Variants in UBR4 observed in about 807,000 individuals in gnomAD.
UBR4 encodes E3 ubiquitin-protein ligase UBR4.
A neutral mutation model predicts 575.6 loss-of-function variants in UBR4; 124 were observed. The ratio of observed to expected loss-of-function variants is 0.22; its 90% CI spans 0.19 to 0.25. UBR4 has a LOEUF of 0.25. Ranked by LOEUF, UBR4 falls within the 10% of genes least tolerant of loss-of-function variation. UBR4 has a pLI of 1.00. For synonymous variants in UBR4, 2,455 were observed against 2,473.7 expected, an observed-to-expected ratio of 0.99 and a Z score of 0.22; for missense variants, 4,818 against 6,478.8, an observed-to-expected ratio of 0.74 and a Z score of 8.80.
rs186228675 is a variant in UBR4, at chr1:19,123,611, T to C, written c.9589-551A>G. Among the ~76,000 whole-genome samples, 192 of 152,250 alleles carry C rather than the reference T, an allele frequency of 1.3e-3. 1 individual carries two copies. Among genetic ancestry groups the C allele is most frequent in the African/African-American group, 4.6e-3 (190 of 41,526 alleles). On this transcript the variant is annotated intron_variant, in intron 65 of 105. Coordinates refer to ENST00000375254, the MANE Select transcript of UBR4 (RefSeq NM_020765.3). ...AGGAAAATACCAATATTCATGCATC[T>C]CTTCCTTGTGCCCTTAGGAATCTAC...
intron 63 of UBR4, among the ~76,000 whole-genome samples, chr1:19,127,328 G>C (rs2081931111): frequency 6.6e-6 from 1 of 152,100 alleles, no homozygotes; most frequent in Non-Finnish European, 1.5e-5. Context: ...ATACACTAGG[G>C]GAATCCTCTT....
In UBR4 at chr1:19,155,026, T is replaced by C. The variant is rs2086254415; in HGVS notation, c.6350A>G (p.His2117Arg). 1.2e-6 allele frequency: 2 copies of C among 1,613,982 alleles called. No individual in the cohort carries two copies. The highest frequency in any genetic ancestry group is 1.3e-5 in the African/African-American group (1 of 74,904). ...AGGGVSVYYS[H>R]VLQMLFFSYC... ...GCTGAAGAACAACATCTGCAACACG[T>C]GGGAGTAGTACACGGACACACCACC... The change falls in exon 44 of 106, where the codon CAC (histidine) becomes CGC (arginine). Residue 2117 changes from histidine (H) to arginine (R), a missense_variant. Coordinates refer to ENST00000375254, the MANE Select transcript of UBR4 (RefSeq NM_020765.3).
At chr1:19,124,340 TA>T in intron 65 of UBR4, 200 bp downstream of exon 65, 2 of 609,122 alleles carry the variant, frequency 3.3e-6, no homozygotes, top group Non-Finnish European at 5.3e-6. Context: ...AATCAGAAGG[TA>T]AAGTATGGCT....
rs1288374447 is a variant in UBR4, at chr1:19,193,978, A to T, written c.1019-421T>A. ...TATTGTATGATTCCAACTACATGAC[A>T]TTCTAGAAAAGGTAAAACTAGAGAG... On this transcript the variant is annotated intron_variant, in intron 8 of 105. Coordinates refer to ENST00000375254, the MANE Select transcript of UBR4 (RefSeq NM_020765.3). Among the ~76,000 whole-genome samples the T allele has an allele frequency of 2.0e-5, 3 of 152,362 alleles. No individual in the cohort carries two copies. In the East Asian group the frequency reaches 5.8e-4, roughly 29 times the overall value.
Position 19,113,256 on chromosome 1 carries a change from T to C in UBR4, c.11458-389A>G, listed in dbSNP as rs139358611. Reference sequence around the variant, plus strand: ...ACCTCTGTCTATGGCCAGCCTCCCATCTCATGGAGATTAGGTCTGTGACAT... The same window carrying C: ...ACCTCTGTCTATGGCCAGCCTCCCACCTCATGGAGATTAGGTCTGTGACAT... On this transcript the variant is annotated intron_variant, in intron 77 of 105. Transcript: ENST00000375254. 5.2e-4 allele frequency: 134 copies of C among 257,820 alleles called. 1 individual carries two copies. The highest frequency in any genetic ancestry group is 2.8e-3 in the African/African-American group (125 of 44,528). The allele number at this position is 257,820 out of a possible 1,614,324, so 16.0% of individuals were successfully genotyped here. A position where few individuals can be genotyped will look rare whatever the true frequency, so the allele number is the denominator to read the frequency against.
chr1:19,153,650 G>T lies in UBR4; in HGVS notation c.6630+118C>A, dbSNP rs1442119419. ...AAAGAAAAGGCATCTAGAAGAAAAA[G>T]GACTGAAAATCTTTTATGGGCCTCC... On this transcript the variant is annotated intron_variant, in intron 45 of 105. Coordinates refer to ENST00000375254, the MANE Select transcript of UBR4 (RefSeq NM_020765.3). This position sits in a 1 kb window ranked among gnomAD's most constrained non-coding sequence, Gnocchi z 4.1. 3 of 1,483,122 alleles carry T rather than the reference G, an allele frequency of 2.0e-6. No homozygotes were observed. Among genetic ancestry groups the T allele is most frequent in the African/African-American group, 1.4e-5 (1 of 70,978 alleles). The allele number at this position is 1,483,122 out of a possible 1,614,324, so 91.9% of individuals were successfully genotyped here.
chr1:19,151,474 G>T, intron 48 of UBR4, 169 bp downstream of exon 48: 2 of 712,074 alleles, frequency 2.8e-6, no homozygotes, highest in East Asian at 2.7e-5. Flanking sequence ...CTCCTTTCCT[G>T]TCACCTTGCC....
chr1:19,085,778 C>T (rs2076954731), intron 101 of UBR4, among the ~76,000 whole-genome samples: 1 of 152,202 alleles, frequency 6.6e-6, no homozygotes, highest in South Asian at 2.1e-4. Context: ...GTATTTAAAC[C>T]TCAGAGCCAC....
intron 55 of UBR4, among the ~76,000 whole-genome samples, chr1:19,143,247 GAAGGAAGGAAGGAAGAAAGAAAGAAAGA>G (rs1290436593): frequency 2.5e-4 from 32 of 127,526 alleles, no homozygotes; most frequent in East Asian, 1.9e-3. Context: ...AGGAAGGAAG[GAAGGAAGGAAGGAAGAAAGAAAGAAAGA>G]AAGAAAGAAA....
rs1014013460 is a variant in UBR4, at chr1:19,124,562, C to T, written c.9567G>A (p.Ser3189=). 1.1e-5 allele frequency: 18 copies of T among 1,614,014 alleles called. No homozygotes were observed. The highest frequency in any genetic ancestry group is 2.2e-5 in the East Asian group (1 of 44,882). ...TTACCTCGGAGAGAAAGTAAAACCA[C>T]GAGTGGTCAAAGACAGGAGGTGGGA... ...SRIPPPVFDH[S]WFYFLSEYLM... is the part of the protein sequence containing the mutation. Residue 3189 remains serine, a synonymous_variant, in exon 65 of 106, where the codon TCG becomes TCA. Coordinates refer to ENST00000375254, the MANE Select transcript of UBR4 (RefSeq NM_020765.3).
Position 19,197,171 on chromosome 1 carries a change from T to C in UBR4, c.988A>G (p.Thr330Ala). ...TACAGACAACTTAGGCTGAGGACTG[T>C]CACATCTTGTAGACGAGAAGGATTG... is the stretch of plus-strand genomic sequence containing the variant. ...PLNPSRLQDV[T>A]VLSLSCLYAG... Residue 330 changes from threonine (T) to alanine (A), a missense_variant, in exon 8 of 106, where the codon ACA becomes GCA. Transcript: ENST00000375254. 6.2e-7 allele frequency: 1 copy of C among 1,614,132 alleles called. No homozygotes were observed. The highest frequency in any genetic ancestry group is 8.5e-7 in the Non-Finnish European group (1 of 1,180,008).
chr1:19,173,710 A>T (rs2089894279), intron 22 of UBR4, 89 bp from the exon 23 acceptor site: 1 of 1,274,678 alleles, frequency 7.8e-7, no homozygotes, highest in Non-Finnish European at 1.1e-6. Flanking sequence ...TACAACTTTT[A>T]AACCAGAACT....
In UBR4 at chr1:19,177,528, C is replaced by T. The variant is rs746196931; in HGVS notation, c.2570G>A (p.Arg857His). The change falls in exon 19 of 106, where the codon CGC (arginine) becomes CAC (histidine). Residue 857 changes from arginine (R) to histidine (H), a missense_variant. Physicochemically the swap from Arg to His is conservative, Grantham distance 29 (BLOSUM62 0). Coordinates refer to ENST00000375254, the MANE Select transcript of UBR4 (RefSeq NM_020765.3). The part of the protein sequence containing the change: ...QMRFVPLILA[R>H]LLLIFDYLLH... Reference sequence around the variant, plus strand: ...CAGATAATCAAAGATGAGAAGGAGGCGAGCCAAGATAAGCGGCACGAAGCG... The same window carrying T: ...CAGATAATCAAAGATGAGAAGGAGGTGAGCCAAGATAAGCGGCACGAAGCG... 6 of 1,613,662 alleles carry T rather than the reference C, an allele frequency of 3.7e-6. No homozygotes were observed. In the Admixed American group the frequency reaches 5.0e-5, roughly 13 times the overall value.
rs762948876 is a variant in UBR4, at chr1:19,081,689, A to C, written c.15009-116T>G. Reference sequence around the variant, plus strand: ...CTTGTGACATTTGCTGAACGCTTGGATGACTCAACACTCCCCACCCATCCT... The same window carrying C: ...CTTGTGACATTTGCTGAACGCTTGGCTGACTCAACACTCCCCACCCATCCT... On this transcript the variant is annotated intron_variant, in intron 102 of 105. Coordinates refer to ENST00000375254, the MANE Select transcript of UBR4 (RefSeq NM_020765.3). The C allele has an allele frequency of 1.1e-5, 12 of 1,123,438 alleles. No individual in the cohort carries two copies. In the South Asian group the frequency reaches 1.4e-4, roughly 13 times the overall value. 69.6% of individuals were successfully genotyped at this position (1,123,438 alleles called of 1,614,324 possible).
intron 2 of UBR4, among the ~76,000 whole-genome samples, chr1:19,200,942 C>T (rs1347471316): frequency 6.6e-6 from 1 of 152,130 alleles, no homozygotes; most frequent in African/African-American, 2.4e-5. Context: ...CCAGGACTTC[C>T]AGACCAGCCT....
In UBR4 at chr1:19,188,779, T is replaced by G. The variant is rs1175424709; in HGVS notation, c.1395-1239A>C. On this transcript the variant is annotated intron_variant, in intron 11 of 105. Transcript: ENST00000375254. ...GGCCAAGAGTGCAAGACCAGCCTGG[T>G]CAACACAGCAAGATCCCATCTCTGC... is the stretch of plus-strand genomic sequence containing the variant. Among the ~76,000 whole-genome samples, 3 of 151,992 alleles carry G rather than the reference T, an allele frequency of 2.0e-5. No individual in the cohort carries two copies. In the East Asian group the frequency reaches 5.8e-4, roughly 29 times the overall value.
At chr1:19,160,548 G>T (rs2087166584) in intron 38 of UBR4, among the ~76,000 whole-genome samples, 1 of 152,122 alleles carries the variant, frequency 6.6e-6, no homozygotes, top group Admixed American at 6.5e-5. Flanking sequence ...CATATGAAAT[G>T]AGCTAACTTC....
At position 19,197,798 on chromosome 1, in the gene UBR4, C is replaced by A. The variant is rs754870891; in HGVS notation, c.765G>T (p.Lys255Asn). 5 of 1,614,154 alleles carry A rather than the reference C, an allele frequency of 3.1e-6. No individual in the cohort carries two copies. Among genetic ancestry groups the A allele is most frequent in the Non-Finnish European group, 4.2e-6 (5 of 1,180,024 alleles). Reference protein sequence around the residue: ...ASLQELGGSEKLLRVCLNLPY... With the variant: ...ASLQELGGSENLLRVCLNLPY... ...GCAGGTTCAAACATACACGCAGTAG[C>A]TTCTCCGAGCCACCTAAATGAATGA... Residue 255 changes from lysine (K) to asparagine (N), a missense_variant, in exon 7 of 106, where the codon AAG (lysine) becomes AAT (asparagine). By Grantham distance (94) the Lys-to-Asn change is moderately conservative. Transcript: ENST00000375254.
chr1:19,157,463 CTT>C lies in UBR4; in HGVS notation c.5760+350_5760+351del, dbSNP rs2086605148. 6.6e-6 allele frequency among the ~76,000 whole-genome samples: 1 copy of C among 152,234 alleles called. No homozygotes were observed. The highest frequency in any genetic ancestry group is 1.5e-5 in the Non-Finnish European group (1 of 68,042). Reference sequence around the variant, plus strand: ...GCAACACTGAGTGTTCCTATGAAAACTTTTGTCTCTCAGCTTATGCCCGCCAG... The same window carrying C: ...GCAACACTGAGTGTTCCTATGAAAACTTGTCTCTCAGCTTATGCCCGCCAG... On this transcript the variant is annotated intron_variant, in intron 40 of 105. Coordinates refer to ENST00000375254, the MANE Select transcript of UBR4 (RefSeq NM_020765.3). The surrounding 1 kb of genome is among the most constrained non-coding windows in gnomAD (Gnocchi z 4.4).
Sources: gnomAD v4.1 joint callset for allele counts (sites outside exome capture counted in the v4.1 genomes callset) on GRCh38, gnomAD v4.1.1 for gene constraint, Gnocchi (gnomAD v3.1) non-coding constraint, MANE v1.5 for transcripts, NCBI Gene and HGNC (gene_info 2026-07-23, HGNC 2026-07-21) for gene names.